TENM4: variants seen among roughly 807,000 people sequenced by gnomAD.
TENM4 encodes the protein teneurin-4.
Under a neutral mutation model 243.3 loss-of-function variants are expected in TENM4, and 82 were observed. That is an observed-to-expected ratio of 0.34 (90% CI 0.28 to 0.40). The LOEUF is 0.40. Among genes scored for constraint, TENM4 ranks in the 10% least tolerant of loss-of-function variants. TENM4 has a pLI of 1.00. For synonymous variants in TENM4, 1,412 were observed against 1,456.3 expected, an observed-to-expected ratio of 0.97 and a Z score of 0.69; for missense variants, 3,138 against 3,673.3, an observed-to-expected ratio of 0.85 and a Z score of 3.77.
intron 4 of TENM4, among the ~76,000 whole-genome samples, chr11:79,094,143 C>T (rs1396957449): frequency 6.6e-6 from 1 of 152,148 alleles, no homozygotes; most frequent in Non-Finnish European, 1.5e-5. Flanking sequence ...AAATAACTCA[C>T]AGATCCCTGC....
At chr11:79,350,257 C>T (rs1482953244) in intron 1 of TENM4, among the ~76,000 whole-genome samples, 1 of 152,102 alleles carries the variant, frequency 6.6e-6, no homozygotes, top group Non-Finnish European at 1.5e-5. Flanking sequence ...TCAACAATCA[C>T]GAATTAGCTG....
At chr11:78,909,919 G>A (rs1856147783) in intron 6 of TENM4, among the ~76,000 whole-genome samples, 3 of 152,176 alleles carry the variant, frequency 2.0e-5, no homozygotes, top group Admixed American at 6.5e-5. Context: ...GGTCACATTA[G>A]TATGTGAGGA....
At chr11:78,945,743 G>A (rs1355459434) in intron 6 of TENM4, among the ~76,000 whole-genome samples, 2 of 152,086 alleles carry the variant, frequency 1.3e-5, no homozygotes, top group African/African-American at 4.8e-5. Context: ...TGATAAGAAG[G>A]CAAAACAGCC....
At chr11:78,985,612 GTTGT>G (rs561502509) in intron 6 of TENM4, among the ~76,000 whole-genome samples, 2 of 152,158 alleles carry the variant, frequency 1.3e-5, no homozygotes, top group Admixed American at 1.3e-4. Flanking sequence ...CATTTTTTGT[GTTGT>G]TTATTTTATC....
intron 3 of TENM4, among the ~76,000 whole-genome samples, chr11:79,154,650 G>A (rs554085446): frequency 6.6e-6 from 1 of 152,216 alleles, no homozygotes; most frequent in South Asian, 2.1e-4. Context: ...CGTCCCCAAG[G>A]CTGGGAGTCC....
chr11:78,992,499 G>A (rs1858071187), intron 6 of TENM4, among the ~76,000 whole-genome samples: 1 of 152,194 alleles, frequency 6.6e-6, no homozygotes, highest in African/African-American at 2.4e-5. Context: ...AGGATTCCAT[G>A]GCTTAAAAGA....
intron 6 of TENM4, among the ~76,000 whole-genome samples, chr11:78,976,181 G>C (rs1348369573): frequency 6.6e-6 from 1 of 152,232 alleles, no homozygotes; most frequent in Non-Finnish European, 1.5e-5. Context: ...TTTGCTCAAA[G>C]CTACAGACCT....
Position 79,336,365 on chromosome 11 carries a change from A to G in TENM4, c.-320-38822T>C, listed in dbSNP as rs372575232. On this transcript the variant is annotated intron_variant, in intron 1 of 33. Transcript: ENST00000278550. Reference sequence around the variant, plus strand: ...ATGGGAGTAACAAGAGCCATCTCGCATACTTACTTCCCTAGGTATTAGATG... The same window carrying G: ...ATGGGAGTAACAAGAGCCATCTCGCGTACTTACTTCCCTAGGTATTAGATG... Among the ~76,000 whole-genome samples, 250 of 152,338 alleles carry G rather than the reference A, an allele frequency of 1.6e-3. 1 individual carries two copies. Among genetic ancestry groups the G allele is most frequent in the African/African-American group, 5.7e-3 (239 of 41,588 alleles).
chr11:79,077,407 G>A (rs1272465293), intron 4 of TENM4, among the ~76,000 whole-genome samples: 1 of 152,154 alleles, frequency 6.6e-6, no homozygotes, highest in Non-Finnish European at 1.5e-5. Context: ...ACGGTTTTGA[G>A]GTAAGGAGAG....
At chr11:78,929,317 C>T (rs1421976382) in intron 6 of TENM4, among the ~76,000 whole-genome samples, 8 of 152,174 alleles carry the variant, frequency 5.3e-5, no homozygotes, top group Admixed American at 2.0e-4. Context: ...ATTACAGAAT[C>T]GGCTACATTA....
At chr11:78,981,409 G>T (rs1014126821) in intron 6 of TENM4, among the ~76,000 whole-genome samples, 2 of 152,160 alleles carry the variant, frequency 1.3e-5, no homozygotes, top group African/African-American at 2.4e-5. Context: ...AGCCACTCTT[G>T]GTTGCATAGC....
At chr11:79,048,269 A>G (rs1475115089) in intron 6 of TENM4, among the ~76,000 whole-genome samples, 1 of 152,184 alleles carries the variant, frequency 6.6e-6, no homozygotes, top group Non-Finnish European at 1.5e-5. Context: ...CAGACAAAAA[A>G]CACAAGAACA....
chr11:78,914,928 T>G (rs1395556388), intron 6 of TENM4, among the ~76,000 whole-genome samples: 1 of 152,206 alleles, frequency 6.6e-6, no homozygotes, highest in Non-Finnish European at 1.5e-5. Context: ...TTCAATTCAG[T>G]GGCTATCCAT....
intron 1 of TENM4, among the ~76,000 whole-genome samples, chr11:79,410,847 C>A (rs963423793): frequency 6.6e-6 from 1 of 152,172 alleles, no homozygotes; most frequent in African/African-American, 2.4e-5. Context: ...TCTCTCTAAA[C>A]CTCCATAGTA....
At chr11:79,361,930 A>T (rs1026466276) in intron 1 of TENM4, among the ~76,000 whole-genome samples, 1 of 152,206 alleles carries the variant, frequency 6.6e-6, no homozygotes, top group Non-Finnish European at 1.5e-5. Flanking sequence ...TGCAAGTAAC[A>T]TATGTTTACT....
chr11:79,163,673 G>C (rs1439777053), intron 3 of TENM4, among the ~76,000 whole-genome samples: 2 of 151,462 alleles, frequency 1.3e-5, no homozygotes, highest in Admixed American at 1.3e-4. Context: ...ACTTCACTTA[G>C]AATAATGGTC....
In TENM4 at chr11:78,827,602, G is replaced by A. The variant is rs139720078; in HGVS notation, c.1682-13207C>T. ...CCTCCCGGGTTCAAGCAATTCTCCTGCCTCAGCCTTCTGAGCAGCTGGGAA... is the reference window on the plus strand; with the variant it reads ...CCTCCCGGGTTCAAGCAATTCTCCTACCTCAGCCTTCTGAGCAGCTGGGAA... On this transcript the variant is annotated intron_variant, in intron 12 of 33. Transcript: ENST00000278550. Among the ~76,000 whole-genome samples the A allele has an allele frequency of 1.4e-3, 215 of 152,160 alleles. 1 individual carries two copies. The highest frequency in any genetic ancestry group is 5.0e-3 in the African/African-American group (208 of 41,496).
At chr11:79,390,415 G>A (rs1210846349) in intron 1 of TENM4, among the ~76,000 whole-genome samples, 1 of 152,200 alleles carries the variant, frequency 6.6e-6, no homozygotes, top group South Asian at 2.1e-4. Flanking sequence ...TTCCCTTCCT[G>A]GCACCTCTGT....
rs562502162 is a variant in TENM4 at position 79,064,866 on chromosome 11, A to C, written c.365T>G (p.Val122Gly). Residue 122 changes from valine to glycine, a missense_variant, in exon 6 of 34, where the codon GTG becomes GGG. Transcript: ENST00000278550. ...ACGCACGGGGTGCTCAGGGGACAGC[A>C]CCGTGTCAGCCTCCATGTCGGCATC... ...GSDADMEADTVLSPEHPVRLW... is the reference protein window; with the variant it reads ...GSDADMEADTGLSPEHPVRLW... 5.2e-6 allele frequency: 8 copies of C among 1,551,100 alleles called. No homozygotes were observed. The African/African-American group carries it at 9.6e-5, about 19-fold the overall frequency.
Sources: gnomAD v4.1 joint callset for allele counts (sites outside exome capture counted in the v4.1 genomes callset) on GRCh38, gnomAD v4.1.1 for gene constraint, MANE v1.5 for transcripts, NCBI Gene and HGNC (gene_info 2026-07-23, HGNC 2026-07-21) for gene names.